The following FGFR4 variants were observed in gnomAD, a reference collection of about 807,000 sequenced individuals.
FGFR4 encodes fibroblast growth factor receptor 4.
FGFR4 carries 63 observed loss-of-function variants against 89.9 expected under a neutral mutation model. That is an observed-to-expected ratio of 0.70 (90% CI 0.57 to 0.86). FGFR4 has a LOEUF of 0.86. FGFR4 is among the 40% of genes least tolerant of loss of function. The probability of loss-of-function intolerance (pLI) is 0.00; values close to 1 mark genes in which losing one functional copy is unlikely to be tolerated. For synonymous variants in FGFR4, 486 were observed against 479.4 expected (o/e 1.01, Z -0.18); for missense variants, 928 against 1,106.7 (o/e 0.84, Z 2.29).
rs963484892 is a variant in FGFR4, at chr5:177,095,248, G to A, written c.1520-82G>A. 28 of 1,176,166 alleles carry A rather than the reference G, an allele frequency of 2.4e-5. No individual in the cohort carries two copies. The highest frequency in any genetic ancestry group is 3.2e-5 in the Non-Finnish European group (25 of 785,362). 72.9% of individuals were successfully genotyped at this position (1,176,166 alleles called of 1,614,324 possible). A position where few individuals can be genotyped will look rare whatever the true frequency, so the allele number is the denominator to read the frequency against. ...TAGACCTACGTAGCCCTGGTCCAGT[G>A]CTGCTTGTCCTGCACCTGCCTCTGC... On this transcript the variant is annotated intron_variant, in intron 11 of 17. Transcript: ENST00000292408. The surrounding 1 kb of genome is among the most constrained non-coding windows in gnomAD (Gnocchi z 5.7).
At chr5:177,097,494 G>T (rs200996722) in intron 17 of FGFR4, 33 bp from the exon 18 acceptor site, 1 of 1,602,110 alleles carries the variant, frequency 6.2e-7, no homozygotes, top group Admixed American at 1.7e-5. Flanking sequence ...CATCCCGGGC[G>T]CTGCAGAGGC....
In FGFR4 at chr5:177,097,702, A is replaced by T. The variant is rs873652; in HGVS notation, c.*26A>T. 3,960 of 1,608,706 alleles carry T rather than the reference A, an allele frequency of 2.5e-3. 83 individuals carry two copies. In the African/African-American group the frequency reaches 0.043, roughly 17 times the overall value. ...GCAAGGCTCAAGGCTGTGCAGGCAC[A>T]TAGGCTGGTGGCCTTGGGCCTTGGG... On this transcript the variant is annotated 3_prime_UTR_variant, in exon 18 of 18. Transcript: ENST00000292408.
chr5:177,093,184 G>A lies in FGFR4; in HGVS notation c.1104G>A (p.Thr368=), dbSNP rs143963361. Residue 368 remains threonine (T), a synonymous_variant, in exon 9 of 18, where the codon ACG becomes ACA. Transcript: ENST00000292408. The surrounding 1 kb of genome is among the most constrained non-coding windows in gnomAD (Gnocchi z 5.8). The stretch of plus-strand genomic sequence containing the variant: ...CAGCAGCGCCCGAGGCCAGGTATAC[G>A]GACATCATCCTGTACGCGTCGGGCT... The part of the protein sequence containing the change: ...WTAAAPEARY[T]DIILYASGSL... 1.4e-4 allele frequency: 224 copies of A among 1,613,828 alleles called. No homozygotes were observed. The highest frequency in any genetic ancestry group is 1.8e-4 in the Non-Finnish European group (208 of 1,179,878).
chr5:177,095,138 GCT>G lies in FGFR4; in HGVS notation c.1520-189_1520-188del, dbSNP rs1784503666. ...TGTGACAGGCAGGGTGTGACCCACT[GCT>G]CTGTTTCCCACAAGACGAACCTGAG... On this transcript the variant is annotated intron_variant, in intron 11 of 17. Transcript: ENST00000292408. This position sits in a 1 kb window ranked among gnomAD's most constrained non-coding sequence, Gnocchi z 5.7. The G allele has an allele frequency of 6.7e-6, 4 of 600,930 alleles. No homozygotes were observed. The Admixed American group carries it at 1.1e-4, about 16-fold the overall frequency. The allele number at this position is 600,930 out of a possible 1,614,324, so 37.2% of individuals were successfully genotyped here. A position where few individuals can be genotyped will look rare whatever the true frequency, so the allele number is the denominator to read the frequency against.
chr5:177,089,184 A>T (rs1784263710), intron 1 of FGFR4, among the ~76,000 whole-genome samples: 1 of 152,246 alleles, frequency 6.6e-6, no homozygotes, highest in Admixed American at 6.5e-5. Context: ...CTCTTCTGCA[A>T]TCAATTCATT....
At chr5:177,088,321 G>C (rs1329294803) in intron 1 of FGFR4, 3 of 180,758 alleles carry the variant, frequency 1.7e-5, no homozygotes, top group Non-Finnish European at 3.5e-5. Flanking sequence ...CAAAGTGCTG[G>C]GATTACAGGT....
chr5:177,091,837 C>A lies in FGFR4; in HGVS notation c.727+29C>A, dbSNP rs373098233. Reference sequence around the variant, plus strand: ...AGCGCGGGGCTGGGAACAGGGGAGGCCTGACCCATTTTGGGCTCAGTTGTG... The same window carrying A: ...AGCGCGGGGCTGGGAACAGGGGAGGACTGACCCATTTTGGGCTCAGTTGTG... On this transcript the variant is annotated intron_variant, in intron 6 of 17. Coordinates refer to ENST00000292408, the MANE Select transcript of FGFR4 (RefSeq NM_213647.3). 28 of 1,612,192 alleles carry A rather than the reference C, an allele frequency of 1.7e-5. No individual in the cohort carries two copies. In the South Asian group the frequency reaches 1.8e-4, roughly 10 times the overall value.
At chr5:177,092,247 A>G in intron 6 of FGFR4, 74 bp from the exon 7 acceptor site, 1 of 1,434,780 alleles carries the variant, frequency 7.0e-7, no homozygotes. Context: ...AACTTGAGGA[A>G]GGCTGGAGGG....
chr5:177,092,209 A>C, intron 6 of FGFR4, 112 bp from the exon 7 acceptor site: 1 of 1,125,572 alleles, frequency 8.9e-7, no homozygotes, highest in Non-Finnish European at 1.2e-6. Context: ...GGAGACAGAC[A>C]AGAAGCTGCA....
At position 177,091,845 on chromosome 5, in the gene FGFR4, A is replaced by G. The variant is rs764095729; in HGVS notation, c.727+37A>G. 3.1e-6 allele frequency: 5 copies of G among 1,610,788 alleles called. No homozygotes were observed. In the African/African-American group the frequency reaches 4.0e-5, roughly 13 times the overall value. ...GCTGGGAACAGGGGAGGCCTGACCC[A>G]TTTTGGGCTCAGTTGTGCCCTCTTG... On this transcript the variant is annotated intron_variant, in intron 6 of 17. Coordinates refer to ENST00000292408, the MANE Select transcript of FGFR4 (RefSeq NM_213647.3).
Position 177,096,276 on chromosome 5 carries a change from C to A in FGFR4, c.1945-11C>A. 6.2e-7 allele frequency: 1 copy of A among 1,614,076 alleles called. No individual in the cohort carries two copies. The highest frequency in any genetic ancestry group is 8.5e-7 in the Non-Finnish European group (1 of 1,179,982). On this transcript the variant is annotated splice_polypyrimidine_tract_variant and intron_variant, in intron 14 of 17. Coordinates refer to ENST00000292408, the MANE Select transcript of FGFR4 (RefSeq NM_213647.3). ...GTGGGACTCTGCACTGAGGCCCTCT[C>A]TCCCCTCCAGGGCCGCCTGCCTGTG...
At chr5:177,089,967 C>T (rs894964312) in intron 2 of FGFR4, 48 of 624,022 alleles carry the variant, frequency 7.7e-5, no homozygotes, top group Middle Eastern at 2.6e-4. Flanking sequence ...GGTGTGTGTG[C>T]GTGTGTGTGT....
intron 8 of FGFR4, 40 bp downstream of exon 8, chr5:177,092,824 C>T: frequency 6.2e-7 from 1 of 1,613,950 alleles, no homozygotes; most frequent in East Asian, 2.2e-5. Context: ...CGAGATGCCC[C>T]TCTGGGCCAG....
intron 6 of FGFR4, 121 bp from the exon 7 acceptor site, chr5:177,092,200 G>A: frequency 9.6e-7 from 1 of 1,037,854 alleles, no homozygotes; most frequent in Non-Finnish European, 1.4e-6. Context: ...GGGTAAGCAG[G>A]AGACAGACAA....
chr5:177,096,546 C>A (rs1784570731), intron 15 of FGFR4, 58 bp from the exon 16 acceptor site: 3 of 1,600,736 alleles, frequency 1.9e-6, no homozygotes, highest in African/African-American at 2.7e-5. Flanking sequence ...GGTCCCCCGT[C>A]CTAGCCCCGG....
rs1488594044 is a variant in FGFR4, at chr5:177,097,051, CCTCTTCCTCCTCCTT to C, written c.2154-211_2154-197del. On this transcript the variant is annotated intron_variant, in intron 16 of 17. Coordinates refer to ENST00000292408, the MANE Select transcript of FGFR4 (RefSeq NM_213647.3). ...TCCTCTTCCTCCTTCTCCTCCTGCT[CCTCTTCCTCCTCCTT>C]CTCTTCCTCCTCCTTCTCTTCCTCC... 292 of 313,004 alleles carry C rather than the reference CCTCTTCCTCCTCCTT, an allele frequency of 9.3e-4. 85 individuals carry two copies. The African/African-American group carries it at 9.5e-3, about 10-fold the overall frequency. The allele number at this position is 313,004 out of a possible 1,614,324, so 19.4% of individuals were successfully genotyped here. A position where few individuals can be genotyped will look rare whatever the true frequency, so the allele number is the denominator to read the frequency against.
In FGFR4 at chr5:177,093,038, A is replaced by G. The variant is rs779948618; in HGVS notation, c.1058-100A>G. The G allele has an allele frequency of 1.7e-5, 25 of 1,497,168 alleles. No individual in the cohort carries two copies. Among genetic ancestry groups the G allele is most frequent in the African/African-American group, 5.5e-5 (4 of 72,708 alleles). 92.7% of individuals were successfully genotyped at this position (1,497,168 alleles called of 1,614,324 possible). A position where few individuals can be genotyped will look rare whatever the true frequency, so the allele number is the denominator to read the frequency against. On this transcript the variant is annotated intron_variant, in intron 8 of 17. Coordinates refer to ENST00000292408, the MANE Select transcript of FGFR4 (RefSeq NM_213647.3). The surrounding 1 kb of genome is among the most constrained non-coding windows in gnomAD (Gnocchi z 5.8). The stretch of plus-strand genomic sequence containing the variant: ...CAGCTTCCTCCGTGTGTGTCCCCAC[A>G]TATGTTGGGAGCTGGGAGGGACTGA...
intron 1 of FGFR4, chr5:177,088,600 T>C (rs1784236596): frequency 1.1e-5 from 2 of 175,618 alleles, no homozygotes; most frequent in African/African-American, 2.4e-5. Flanking sequence ...ACCGATTCCT[T>C]TGTCCCAGCT....
intron 2 of FGFR4, chr5:177,090,118 A>ATG (rs754226954): frequency 7.9e-5 from 50 of 631,738 alleles, no homozygotes; most frequent in Admixed American, 1.1e-4. Flanking sequence ...GTGTGTCCGT[A>ATG]TGTGTGTGTG....
Sources: allele counts gnomAD v4.1 joint callset (sites outside exome capture counted in the v4.1 genomes callset), GRCh38; gene constraint gnomAD v4.1.1; non-coding constraint Gnocchi (gnomAD v3.1); transcripts MANE v1.5; gene names NCBI Gene and HGNC (gene_info 2026-07-23, HGNC 2026-07-21).